PTPRD: variants seen among roughly 807,000 people sequenced by gnomAD.
PTPRD encodes receptor-type tyrosine-protein phosphatase delta.
PTPRD carries 34 observed loss-of-function variants against 214.5 expected under a neutral mutation model. The ratio of observed to expected loss-of-function variants is 0.16; its 90% CI spans 0.12 to 0.21. PTPRD has a LOEUF of 0.21. Ranked by LOEUF, PTPRD falls within the 10% of genes least tolerant of loss-of-function variation. PTPRD has a pLI of 1.00. For missense variants in PTPRD, 2,545 were observed against 2,398.7 expected (o/e 1.06, Z -1.27); for synonymous variants, 1,128 against 845.7 (o/e 1.33, Z -5.79).
chr9:8,825,455 G>C (rs764569743), intron 11 of PTPRD, among the ~76,000 whole-genome samples: 3 of 151,278 alleles, frequency 2.0e-5, no homozygotes, highest in Non-Finnish European at 2.9e-5. Context: ...AAATGAGGTA[G>C]AGAGAAATAA....
chr9:8,634,084 G>C (rs2096349407), intron 13 of PTPRD, among the ~76,000 whole-genome samples: 1 of 151,824 alleles, frequency 6.6e-6, no homozygotes, highest in African/African-American at 2.4e-5. Flanking sequence ...TGCATTTTTA[G>C]AGCATTCTTG....
intron 11 of PTPRD, among the ~76,000 whole-genome samples, chr9:8,898,469 A>G (rs1182452012): frequency 6.6e-6 from 1 of 152,186 alleles, no homozygotes; most frequent in African/African-American, 2.4e-5. Context: ...TGTAGGTGGC[A>G]ATCCAGATTT....
intron 5 of PTPRD, among the ~76,000 whole-genome samples, chr9:9,778,413 C>T (rs1166752114): frequency 6.6e-6 from 1 of 152,124 alleles, no homozygotes; most frequent in East Asian, 1.9e-4. Context: ...TGGTGTGTAG[C>T]ACAGAAATGT....
intron 2 of PTPRD, among the ~76,000 whole-genome samples, chr9:10,586,738 A>G (rs935160767): frequency 6.6e-6 from 1 of 151,814 alleles, no homozygotes; most frequent in East Asian, 1.9e-4. Context: ...TCCTGAAATG[A>G]TTCTTCAAAA....
Position 8,633,322 on chromosome 9 carries a change from A to C in PTPRD, c.347T>G (p.Leu116Trp), listed in dbSNP as rs771049384. Residue 116 changes from leucine (L) to tryptophan (W), a missense_variant, in exon 14 of 46, where the codon TTG becomes TGG. Physicochemically the swap from Leu to Trp is moderately conservative, Grantham distance 61. Coordinates refer to ENST00000381196, the MANE Select transcript of PTPRD (RefSeq NM_002839.4). ...ACCTTCACTTGAGCACTTACCCCGC[A>C]AAACTGTGAGTCTGGTGGATACACT... ...EISVSTRLTVLREDQIPRGFP... is the reference protein window; with the variant it reads ...EISVSTRLTVWREDQIPRGFP... 1 of 1,611,346 alleles carries C rather than the reference A, an allele frequency of 6.2e-7. No individual in the cohort carries two copies. The highest frequency in any genetic ancestry group is 1.7e-5 in the Admixed American group (1 of 59,488).
chr9:9,880,845 C>A (rs2068444513), intron 5 of PTPRD, among the ~76,000 whole-genome samples: 2 of 152,014 alleles, frequency 1.3e-5, no homozygotes, highest in Admixed American at 1.3e-4. Flanking sequence ...CTTTGCTGGT[C>A]ATTTATTTTT....
At chr9:10,465,484 T>C (rs1226684499) in intron 2 of PTPRD, among the ~76,000 whole-genome samples, 1 of 152,162 alleles carries the variant, frequency 6.6e-6, no homozygotes, top group East Asian at 1.9e-4. Flanking sequence ...TGTCGTCATG[T>C]GCCACATGAC....
At chr9:9,240,307 T>C (rs950983640) in intron 9 of PTPRD, among the ~76,000 whole-genome samples, 1 of 152,210 alleles carries the variant, frequency 6.6e-6, no homozygotes. Context: ...GTTTAAACTA[T>C]ATATATTTTG....
chr9:8,316,834 A>G lies in PTPRD; in HGVS notation c.*1040T>C, dbSNP rs1033775477. The G allele has an allele frequency of 1.3e-5, 3 of 230,942 alleles. No homozygotes were observed. The highest frequency in any genetic ancestry group is 2.6e-5 in the Non-Finnish European group (3 of 116,444). The allele number at this position is 230,942 out of a possible 1,614,324, so 14.3% of individuals were successfully genotyped here. On this transcript the variant is annotated 3_prime_UTR_variant, in exon 46 of 46. Coordinates refer to ENST00000381196, the MANE Select transcript of PTPRD (RefSeq NM_002839.4). ...CAATATGTCAAAAAATTAAGAATAA[A>G]TGGAAAGAGATGTTTACAATAGCTT... is the stretch of plus-strand genomic sequence containing the variant.
chr9:8,504,330 G>T lies in PTPRD; in HGVS notation c.1753C>A (p.Leu585Met), dbSNP rs761019710. Residue 585 changes from leucine (L) to methionine (M), a missense_variant, in exon 23 of 46, where the codon CTG becomes ATG. Transcript: ENST00000381196. ...LKPNSLYYFR[L>M]AARSPQGLGA... ...AGGCCTTGAGGGGAGCGTGCAGCCAGACGGAAATAGTATAAGCTGTTTGGT... is the reference window on the plus strand; with the variant it reads ...AGGCCTTGAGGGGAGCGTGCAGCCATACGGAAATAGTATAAGCTGTTTGGT... 2 of 1,614,154 alleles carry T rather than the reference G, an allele frequency of 1.2e-6. No individual in the cohort carries two copies. Among genetic ancestry groups the T allele is most frequent in the Non-Finnish European group, 1.7e-6 (2 of 1,179,970 alleles).
At position 10,017,394 on chromosome 9, in the gene PTPRD, T is replaced by C. The variant is rs1027417546; in HGVS notation, c.-472+16324A>G. Among the ~76,000 whole-genome samples the C allele has an allele frequency of 3.3e-5, 5 of 152,302 alleles. No homozygotes were observed. In the East Asian group the frequency reaches 9.6e-4, roughly 29 times the overall value. Reference sequence around the variant, plus strand: ...TTTTTGGCTTTACTAATTTTCTTTATGGACTATAAACATGTTTTATAAACA... The same window carrying C: ...TTTTTGGCTTTACTAATTTTCTTTACGGACTATAAACATGTTTTATAAACA... On this transcript the variant is annotated intron_variant, in intron 4 of 45. Coordinates refer to ENST00000381196, the MANE Select transcript of PTPRD (RefSeq NM_002839.4).
chr9:9,599,600 A>T (rs2093609843), intron 7 of PTPRD, among the ~76,000 whole-genome samples: 1 of 151,868 alleles, frequency 6.6e-6, no homozygotes, highest in Non-Finnish European at 1.5e-5. Flanking sequence ...CTTTATCTTT[A>T]TGTGTTTCAT....
At chr9:10,240,279 T>G (rs1254751018) in intron 3 of PTPRD, among the ~76,000 whole-genome samples, 4 of 151,992 alleles carry the variant, frequency 2.6e-5, no homozygotes, top group Non-Finnish European at 5.9e-5. Flanking sequence ...TATGTAAAAC[T>G]ATCAAATACA....
chr9:10,605,368 G>A (rs919999542), intron 2 of PTPRD, among the ~76,000 whole-genome samples: 1 of 151,860 alleles, frequency 6.6e-6, no homozygotes, highest in African/African-American at 2.4e-5. Flanking sequence ...AACTGCTGCA[G>A]TGGTCTGGCG....
chr9:9,370,285 C>A (rs1223698518), intron 9 of PTPRD, among the ~76,000 whole-genome samples: 3 of 151,818 alleles, frequency 2.0e-5, no homozygotes, highest in Admixed American at 6.6e-5. Context: ...CTTTTATTTC[C>A]CTGAGCAGTG....
chr9:10,485,827 T>C (rs1457891246), intron 2 of PTPRD, among the ~76,000 whole-genome samples: 1 of 152,098 alleles, frequency 6.6e-6, no homozygotes, highest in Non-Finnish European at 1.5e-5. Flanking sequence ...CACTTCTTGT[T>C]CCTGCATACA....
intron 12 of PTPRD, among the ~76,000 whole-genome samples, chr9:8,695,287 G>T (rs1322250478): frequency 6.6e-6 from 1 of 152,118 alleles, no homozygotes. Flanking sequence ...CATTCACCAG[G>T]ATTGAATCAC....
At chr9:9,275,102 A>ATATTAT (rs1356178509) in intron 9 of PTPRD, among the ~76,000 whole-genome samples, 1 of 60,706 alleles carries the variant, frequency 1.6e-5, no homozygotes, top group African/African-American at 6.4e-5. Flanking sequence ...TTATATATAT[A>ATATTAT]ATATATTATA....
At chr9:8,437,320 T>G (rs549014302) in intron 34 of PTPRD, 1 of 1,161,480 alleles carries the variant, frequency 8.6e-7, no homozygotes, top group African/African-American at 1.6e-5. Context: ...CCTGATATAT[T>G]TTTTAAAAGG....
Sources: allele counts gnomAD v4.1 joint callset (sites outside exome capture counted in the v4.1 genomes callset), GRCh38; gene constraint gnomAD v4.1.1; transcripts MANE v1.5; gene names NCBI Gene and HGNC (gene_info 2026-07-23, HGNC 2026-07-21).